The following RBFOX1 variants were observed in gnomAD, a reference collection of about 807,000 sequenced individuals.
RBFOX1 encodes RNA binding fox-1 homolog 1, also known as RNA binding protein fox-1 homolog 1.
RBFOX1 carries 8 observed loss-of-function variants against 57.7 expected under a neutral mutation model. That is an observed-to-expected ratio of 0.14 (90% CI 0.08 to 0.25). The LOEUF is 0.25. RBFOX1 is among the 10% of genes least tolerant of loss of function. The probability of loss-of-function intolerance (pLI) is 1.00; values close to 1 mark genes in which losing one functional copy is unlikely to be tolerated. For synonymous variants in RBFOX1, 326 were observed against 222.4 expected (o/e 1.47, Z -4.15); for missense variants, 611 against 548.5 (o/e 1.11, Z -1.14).
chr16:6,462,800 G>C (rs186459534), intron 2 of RBFOX1, among the ~76,000 whole-genome samples: 2 of 146,178 alleles, frequency 1.4e-5, no homozygotes, highest in African/African-American at 5.0e-5. Flanking sequence ...AAAAAGTATT[G>C]AGTATACACA....
chr16:5,684,395 C>T (rs779873753), intron 3 of RBFOX1, among the ~76,000 whole-genome samples: 2 of 152,182 alleles, frequency 1.3e-5, no homozygotes, highest in African/African-American at 4.8e-5. Context: ...CTTCACCAGA[C>T]ATGACCTAGT....
chr16:6,805,709 C>T (rs1366847603), intron 3 of RBFOX1, among the ~76,000 whole-genome samples: 1 of 152,152 alleles, frequency 6.6e-6, no homozygotes, highest in African/African-American at 2.4e-5. Flanking sequence ...CTTGTCCATT[C>T]TGCATGCCTC....
At chr16:7,325,242 C>A (rs2096596371) in intron 4 of RBFOX1, among the ~76,000 whole-genome samples, 2 of 152,160 alleles carry the variant, frequency 1.3e-5, no homozygotes, top group African/African-American at 2.4e-5. Context: ...ATCTCTGGAC[C>A]ACTCCATGTG....
chr16:7,175,628 C>T (rs1259469989), intron 4 of RBFOX1, among the ~76,000 whole-genome samples: 1 of 152,180 alleles, frequency 6.6e-6, no homozygotes, highest in Admixed American at 6.5e-5. Flanking sequence ...GATCCATTAT[C>T]TCACCCCAAC....
chr16:6,213,077 C>A (rs1167554098), intron 1 of RBFOX1, among the ~76,000 whole-genome samples: 2 of 152,232 alleles, frequency 1.3e-5, no homozygotes, highest in East Asian at 3.9e-4. Flanking sequence ...ATCTTCTGTG[C>A]CAAAAAGTAC....
chr16:7,463,601 G>A (rs1004233412), intron 4 of RBFOX1, among the ~76,000 whole-genome samples: 2 of 152,164 alleles, frequency 1.3e-5, no homozygotes, highest in Admixed American at 6.5e-5. Context: ...CATCACCTTG[G>A]TGTTAAGATT....
intron 4 of RBFOX1, among the ~76,000 whole-genome samples, chr16:7,382,347 T>G (rs770286575): frequency 6.6e-6 from 1 of 152,230 alleles, no homozygotes; most frequent in Non-Finnish European, 1.5e-5. Flanking sequence ...TTTTGGACTT[T>G]TAAAAAATGT....
intron 4 of RBFOX1, among the ~76,000 whole-genome samples, chr16:5,914,873 C>T (rs1023213622): frequency 4.0e-5 from 6 of 151,560 alleles, no homozygotes; most frequent in Non-Finnish European, 8.8e-5. Flanking sequence ...CCAGCCTAGG[C>T]GACAGAGTGA....
intron 3 of RBFOX1, among the ~76,000 whole-genome samples, chr16:6,738,937 T>G (rs2071244543): frequency 6.6e-6 from 1 of 152,168 alleles, no homozygotes; most frequent in Non-Finnish European, 1.5e-5. Context: ...ACATTGAACT[T>G]AATGAAAATA....
intron 1 of RBFOX1, among the ~76,000 whole-genome samples, chr16:6,224,016 AT>A (rs748437631): frequency 1.3e-5 from 2 of 152,032 alleles, no homozygotes; most frequent in Non-Finnish European, 2.9e-5. Flanking sequence ...AGTTGTAGAT[AT>A]GCGGCGTTAT....
At chr16:7,405,027 G>A (rs577362488) in intron 4 of RBFOX1, among the ~76,000 whole-genome samples, 2 of 152,256 alleles carry the variant, frequency 1.3e-5, no homozygotes, top group South Asian at 2.1e-4. Flanking sequence ...GTATTATTTC[G>A]GTTACGGTAA....
intron 4 of RBFOX1, among the ~76,000 whole-genome samples, chr16:7,323,897 A>G (rs902920709): frequency 2.0e-5 from 3 of 151,710 alleles, no homozygotes; most frequent in Non-Finnish European, 4.4e-5. Context: ...AGCAAAATGA[A>G]TGATGAGTGG....
intron 3 of RBFOX1, among the ~76,000 whole-genome samples, chr16:6,966,470 C>T (rs2084187558): frequency 6.6e-6 from 1 of 152,106 alleles, no homozygotes; most frequent in South Asian, 2.1e-4. Context: ...TTCTGCCATC[C>T]ACGGAGCATG....
intron 4 of RBFOX1, among the ~76,000 whole-genome samples, chr16:7,411,655 G>A (rs1004378986): frequency 6.6e-6 from 1 of 152,190 alleles, no homozygotes; most frequent in Non-Finnish European, 1.5e-5. Context: ...TGTAATCCCA[G>A]CACTTTGGGT....
At position 6,913,739 on chromosome 16, in the gene RBFOX1, G is replaced by A. The variant is rs140502157; in HGVS notation, c.-15-138318G>A. On this transcript the variant is annotated intron_variant, in intron 3 of 15. Transcript: ENST00000550418. ...CCCCTGCGTACCCTCCTAGCCAAGC[G>A]TCTGGGCAGCCAGCGGTTAAGTCCA... is the stretch of plus-strand genomic sequence containing the variant. 6.0e-3 allele frequency among the ~76,000 whole-genome samples: 912 copies of A among 152,234 alleles called. 2 individuals carry two copies. The highest frequency in any genetic ancestry group is 0.02 in the African/African-American group (831 of 41,548).
chr16:7,574,714 T>C (rs997755882), intron 5 of RBFOX1, among the ~76,000 whole-genome samples: 1 of 152,108 alleles, frequency 6.6e-6, no homozygotes, highest in Non-Finnish European at 1.5e-5. Context: ...AATGTTTATC[T>C]CCTTTGGCAG....
intron 4 of RBFOX1, among the ~76,000 whole-genome samples, chr16:7,500,667 C>T (rs1263990317): frequency 6.6e-6 from 1 of 152,174 alleles, no homozygotes; most frequent in Non-Finnish European, 1.5e-5. Flanking sequence ...TCAGCTTCTT[C>T]CACTAAATAG....
At chr16:6,045,910 C>G (rs1209709924) in intron 1 of RBFOX1, among the ~76,000 whole-genome samples, 2 of 152,130 alleles carry the variant, frequency 1.3e-5, no homozygotes, top group African/African-American at 4.8e-5. Flanking sequence ...GGCAAAGGCC[C>G]TGAAGTAGGA....
chr16:7,591,235 T>A (rs1439104611), intron 7 of RBFOX1, among the ~76,000 whole-genome samples: 2 of 152,140 alleles, frequency 1.3e-5, no homozygotes, highest in African/African-American at 2.4e-5. Context: ...AAAAGTGAGA[T>A]GAGAGGGCTC....
Sources: gnomAD v4.1 joint callset for allele counts (sites outside exome capture counted in the v4.1 genomes callset) on GRCh38, gnomAD v4.1.1 for gene constraint, MANE v1.5 for transcripts, NCBI Gene and HGNC (gene_info 2026-07-23, HGNC 2026-07-21) for gene names.